The following ABHD17B variants were observed in gnomAD, a reference collection of about 807,000 sequenced individuals.
ABHD17B encodes alpha/beta hydrolase domain-containing protein 17B.
In ABHD17B, 9 loss-of-function variants were observed where a neutral mutation model predicts 26.2. That is an observed-to-expected ratio of 0.34 (90% CI 0.21 to 0.60). The LOEUF is 0.60. Among genes scored for constraint, ABHD17B ranks in the 20% least tolerant of loss-of-function variants. ABHD17B has a pLI of 0.80. For synonymous variants in ABHD17B, 127 were observed against 122.3 expected (o/e 1.04, Z -0.25); for missense variants, 224 against 352.1 (o/e 0.64, Z 2.91).
chr9:71,904,032 C>T (rs150509861), intron 1 of ABHD17B, among the ~76,000 whole-genome samples: 2 of 152,310 alleles, frequency 1.3e-5, no homozygotes, highest in South Asian at 2.1e-4. Context: ...ATCCACTCTT[C>T]CAGTATTTTG....
chr9:71,890,833 G>T (rs1826759586), intron 1 of ABHD17B, among the ~76,000 whole-genome samples: 1 of 152,036 alleles, frequency 6.6e-6, no homozygotes, highest in South Asian at 2.1e-4. Context: ...CAAAATCCAT[G>T]TTGTTCTTAA....
chr9:71,901,834 T>A (rs1026619756), intron 1 of ABHD17B, among the ~76,000 whole-genome samples: 1 of 152,048 alleles, frequency 6.6e-6, no homozygotes, highest in Non-Finnish European at 1.5e-5. Flanking sequence ...ATCTATTTCA[T>A]ACCCCCCTAA....
At chr9:71,893,613 A>G (rs1826861683) in intron 1 of ABHD17B, among the ~76,000 whole-genome samples, 1 of 152,210 alleles carries the variant, frequency 6.6e-6, no homozygotes, top group Non-Finnish European at 1.5e-5. Context: ...TTAAGTAGGC[A>G]ATGATTGATT....
At chr9:71,875,940 A>T (rs1175761217) in intron 1 of ABHD17B, among the ~76,000 whole-genome samples, 1 of 152,230 alleles carries the variant, frequency 6.6e-6, no homozygotes, top group Non-Finnish European at 1.5e-5. Flanking sequence ...TGGTGGAGCC[A>T]GGATTTGACT....
intron 3 of ABHD17B, among the ~76,000 whole-genome samples, chr9:71,867,791 A>C (rs1014378838): frequency 6.6e-6 from 1 of 152,146 alleles, no homozygotes; most frequent in Non-Finnish European, 1.5e-5. Context: ...TTTAGAACAG[A>C]GGTATCATAG....
chr9:71,876,609 GAA>G (rs1181302775), intron 1 of ABHD17B, among the ~76,000 whole-genome samples: 2 of 117,404 alleles, frequency 1.7e-5, no homozygotes, highest in African/African-American at 6.2e-5. Flanking sequence ...TCTCCAAAAA[GAA>G]AAAAAAAAAA....
intron 2 of ABHD17B, among the ~76,000 whole-genome samples, chr9:71,874,177 A>AT (rs11419236): frequency 0.21 from 31,596 of 146,986 alleles, 3,564 homozygotes; most frequent in Non-Finnish European, 0.26. Flanking sequence ...ACTGGATTTA[A>AT]TTTTTTTTTT....
intron 1 of ABHD17B, among the ~76,000 whole-genome samples, chr9:71,892,485 A>T (rs974831769): frequency 3.9e-5 from 6 of 151,954 alleles, no homozygotes; most frequent in Non-Finnish European, 7.4e-5. Flanking sequence ...GTGAGAGGAG[A>T]TCACGCCACT....
chr9:71,902,980 G>C (rs1827187152), intron 1 of ABHD17B, among the ~76,000 whole-genome samples: 1 of 152,092 alleles, frequency 6.6e-6, no homozygotes, highest in Non-Finnish European at 1.5e-5. Flanking sequence ...ATGGAGACTT[G>C]GCTGCACCAA....
chr9:71,891,300 ATG>A (rs1269070474), intron 1 of ABHD17B, among the ~76,000 whole-genome samples: 3 of 152,268 alleles, frequency 2.0e-5, no homozygotes, highest in Non-Finnish European at 2.9e-5. Context: ...TATTATCTAA[ATG>A]TGTGTTATTG....
At chr9:71,868,231 AAAG>A (rs1826013911) in intron 3 of ABHD17B, among the ~76,000 whole-genome samples, 2 of 149,884 alleles carry the variant, frequency 1.3e-5, no homozygotes, top group African/African-American at 5.0e-5. Flanking sequence ...AAAAAAAAAG[AAAG>A]AAAGAAAGAA....
intron 1 of ABHD17B, among the ~76,000 whole-genome samples, chr9:71,889,865 T>C (rs568338298): frequency 7.2e-5 from 11 of 152,238 alleles, no homozygotes; most frequent in South Asian, 6.2e-4. Flanking sequence ...TTCTCAGAAA[T>C]TACAATTTTG....
Position 71,907,636 on chromosome 9 carries a change from C to G in ABHD17B, c.-4+2998G>C, listed in dbSNP as rs184526731. 8.3e-3 allele frequency among the ~76,000 whole-genome samples: 1,259 copies of G among 152,198 alleles called. 18 individuals carry two copies. The highest frequency in any genetic ancestry group is 0.028 in the African/African-American group (1,168 of 41,502). On this transcript the variant is annotated intron_variant, in intron 1 of 3. Transcript: ENST00000333421. Reference sequence around the variant, plus strand: ...AAGCGATTCTCCTGCCTCAGCCTCCCGAGTGGCTGGGATTACAGGCAAGCA... The same window carrying G: ...AAGCGATTCTCCTGCCTCAGCCTCCGGAGTGGCTGGGATTACAGGCAAGCA...
Position 71,867,005 on chromosome 9 carries a change from T to C in ABHD17B, c.649A>G (p.Ile217Val). Residue 217 changes from isoleucine to valine, a missense_variant and splice_region_variant, in exon 4 of 4, where the codon ATT becomes GTT. By Grantham distance (29) the Ile-to-Val change is conservative. Transcript: ENST00000333421. ...GAGGTTATCTTAGAGATTTTGTCAA[T>C]GCTGCAGGGAAAAAGGAAGGGGGAA... ...KTYCFDAFPN[I>V]DKISKITSPV... The C allele has an allele frequency of 1.9e-6, 3 of 1,613,798 alleles. No homozygotes were observed. The highest frequency in any genetic ancestry group is 2.5e-6 in the Non-Finnish European group (3 of 1,179,960).
At chr9:71,869,413 A>C (rs1217818843) in intron 3 of ABHD17B, among the ~76,000 whole-genome samples, 1 of 152,128 alleles carries the variant, frequency 6.6e-6, no homozygotes, top group Non-Finnish European at 1.5e-5. Flanking sequence ...TTGCCAACTT[A>C]TTTCTTGTCT....
At chr9:71,871,477 G>A (rs1418008875) in intron 2 of ABHD17B, among the ~76,000 whole-genome samples, 2 of 152,132 alleles carry the variant, frequency 1.3e-5, no homozygotes, top group South Asian at 2.1e-4. Flanking sequence ...TATTTCATAC[G>A]AATGAAGAAA....
intron 1 of ABHD17B, among the ~76,000 whole-genome samples, chr9:71,891,254 T>C (rs566938199): frequency 6.6e-6 from 1 of 152,348 alleles, no homozygotes; most frequent in African/African-American, 2.4e-5. Flanking sequence ...ATTTATGAGA[T>C]TTCCCTACAT....
chr9:71,887,633 C>G (rs965901700), intron 1 of ABHD17B, among the ~76,000 whole-genome samples: 1 of 152,184 alleles, frequency 6.6e-6, no homozygotes, highest in East Asian at 1.9e-4. Context: ...ACAGAAAGCC[C>G]TAATGGGCAG....
At chr9:71,905,010 T>C (rs1024669025) in intron 1 of ABHD17B, among the ~76,000 whole-genome samples, 1 of 152,168 alleles carries the variant, frequency 6.6e-6, no homozygotes, top group Non-Finnish European at 1.5e-5. Flanking sequence ...AACCCCAGTA[T>C]AGAGAAGGCT....
Sources: allele counts gnomAD v4.1 joint callset (sites outside exome capture counted in the v4.1 genomes callset), GRCh38; gene constraint gnomAD v4.1.1; transcripts MANE v1.5; gene names NCBI Gene and HGNC (gene_info 2026-07-23, HGNC 2026-07-21).